The following CCDC80 variants were observed in gnomAD, a reference collection of about 807,000 sequenced individuals.
CCDC80 encodes coiled-coil domain-containing protein 80.
CCDC80 carries 49 observed loss-of-function variants against 78.7 expected under a neutral mutation model. The ratio of observed to expected loss-of-function variants is 0.62; its 90% CI spans 0.50 to 0.79. CCDC80 has a LOEUF of 0.79. CCDC80 is among the 30% of genes least tolerant of loss of function. The pLI is 0.00. For synonymous variants in CCDC80, 488 were observed against 447.0 expected (o/e 1.09, Z -1.16); for missense variants, 1,205 against 1,198.6 (o/e 1.01, Z -0.08).
At chr3:112,617,521 C>T (rs993082174) in intron 4 of CCDC80, among the ~76,000 whole-genome samples, 1 of 152,210 alleles carries the variant, frequency 6.6e-6, no homozygotes, top group Non-Finnish European at 1.5e-5. Flanking sequence ...AAGCTCTGCC[C>T]TCTGTGGGAA....
At chr3:112,609,565 A>G (rs1297882182) in intron 6 of CCDC80, among the ~76,000 whole-genome samples, 1 of 152,198 alleles carries the variant, frequency 6.6e-6, no homozygotes, top group African/African-American at 2.4e-5. Context: ...TATTATTCCC[A>G]GAGCCATTCC....
At position 112,630,298 on chromosome 3, in the gene CCDC80, T is replaced by C. The variant is rs755263432; in HGVS notation, c.1879-29A>G. The C allele has an allele frequency of 2.5e-6, 4 of 1,607,774 alleles. No homozygotes were observed. The Admixed American group carries it at 6.7e-5, about 27-fold the overall frequency. ...GAGGTGGGTGAAGACAAACAAATAC[T>C]CATTTATAGTGATAGTTTCACACTG... On this transcript the variant is annotated intron_variant, in intron 2 of 7. Transcript: ENST00000206423.
chr3:112,619,023 C>G lies in CCDC80; in HGVS notation c.2117G>C (p.Gly706Ala), dbSNP rs755706877. 3.1e-6 allele frequency: 5 copies of G among 1,612,992 alleles called. No homozygotes were observed. Among genetic ancestry groups the G allele is most frequent in the Non-Finnish European group, 2.5e-6 (3 of 1,179,746 alleles). ...CATGAAGAAGTCATTGTAGGTCATT[C>G]CGTACTCTTTCCTCAGCTCGCTGAT... ...RLISELRKEY[G>A]MTYNDFFMVL... Residue 706 changes from glycine to alanine, a missense_variant, in exon 4 of 8, where the codon GGA becomes GCA. Coordinates refer to ENST00000206423, the MANE Select transcript of CCDC80 (RefSeq NM_199511.3).
In CCDC80 at chr3:112,616,843, G is replaced by T; in HGVS notation, c.2188C>A (p.Pro730Thr). 1 of 1,613,730 alleles carries T rather than the reference G, an allele frequency of 6.2e-7. No homozygotes were observed. The highest frequency in any genetic ancestry group is 1.1e-5 in the South Asian group (1 of 91,068). Reference sequence around the variant, plus strand: ...TCAAACACAGACTTCATTGTTATTGGTACCTCATAGTATTGCTGTTTAAGA... The same window carrying T: ...TCAAACACAGACTTCATTGTTATTGTTACCTCATAGTATTGCTGTTTAAGA... Reference protein sequence around the residue: ...DLRVKQYYEVPITMKSVFDLI... With the variant: ...DLRVKQYYEVTITMKSVFDLI... Residue 730 changes from proline to threonine, a missense_variant, in exon 5 of 8, where the codon CCA becomes ACA. By Grantham distance (38) the Pro-to-Thr change is conservative. Coordinates refer to ENST00000206423, the MANE Select transcript of CCDC80 (RefSeq NM_199511.3).
At chr3:112,606,540 C>G (rs1935501664) in intron 7 of CCDC80, among the ~76,000 whole-genome samples, 1 of 152,226 alleles carries the variant, frequency 6.6e-6, no homozygotes, top group Admixed American at 6.5e-5. Context: ...ATTGTCCTAC[C>G]TCAGCCTCCC....
At chr3:112,640,195 T>C (rs377689412) in intron 1 of CCDC80, 132 bp downstream of exon 1, 1 of 409,776 alleles carries the variant, frequency 2.4e-6, no homozygotes. Flanking sequence ...CTGTTTCAAC[T>C]AATGCTCTGG....
rs755027620 is a variant in CCDC80 at position 112,598,914 on chromosome 3, A to G, written c.*6503T>C. The G allele has an allele frequency of 5.3e-5, 8 of 152,200 alleles. No homozygotes were observed. Among genetic ancestry groups the G allele is most frequent in the South Asian group, 2.1e-4 (1 of 4,838 alleles). The allele number at this position is 152,200 out of a possible 1,614,324, so 9.4% of individuals were successfully genotyped here. A position where few individuals can be genotyped will look rare whatever the true frequency, so the allele number is the denominator to read the frequency against. On this transcript the variant is annotated 3_prime_UTR_variant, in exon 8 of 8. Coordinates refer to ENST00000206423, the MANE Select transcript of CCDC80 (RefSeq NM_199511.3). ...AGGGCATTATGCAGGAAAGAATTCAATGGAGTTATTTAATACCTTTCCCTA... is the reference window on the plus strand; with the variant it reads ...AGGGCATTATGCAGGAAAGAATTCAGTGGAGTTATTTAATACCTTTCCCTA...
intron 3 of CCDC80, among the ~76,000 whole-genome samples, chr3:112,625,970 A>G (rs1287659321): frequency 6.6e-6 from 1 of 152,184 alleles, no homozygotes; most frequent in African/African-American, 2.4e-5. Flanking sequence ...AAATCAACCT[A>G]CTTTTCAAAA....
Position 112,638,558 on chromosome 3 carries a change from T to C in CCDC80, c.1348A>G (p.Ile450Val). 3 of 1,613,958 alleles carry C rather than the reference T, an allele frequency of 1.9e-6. No homozygotes were observed. The highest frequency in any genetic ancestry group is 2.5e-6 in the Non-Finnish European group (3 of 1,179,978). The change falls in exon 2 of 8, where the codon ATC becomes GTC. Residue 450 changes from isoleucine to valine, a missense_variant. Coordinates refer to ENST00000206423, the MANE Select transcript of CCDC80 (RefSeq NM_199511.3). ...ESFTNAPPTT[I>V]SEPSTRAAGP... ...GCAGCCCTTGTGCTGGGTTCTGAGA[T>C]GGTGGTGGGAGGGGCATTTGTGAAG...
Position 112,638,624 on chromosome 3 carries a change from G to T in CCDC80, c.1282C>A (p.Gln428Lys). ...SRKDQHRERP[Q>K]TTRRPSKATS... is the part of the protein sequence containing the mutation. The stretch of plus-strand genomic sequence containing the variant: ...GCCTTGCTGGGCCTCCTGGTTGTCT[G>T]TGGCCTCTCCCTGTGCTGATCCTTC... The change falls in exon 2 of 8, where the codon CAG becomes AAG. Residue 428 changes from glutamine to lysine, a missense_variant. Gln to Lys is a moderately conservative substitution (Grantham distance 53). Transcript: ENST00000206423. The T allele has an allele frequency of 6.2e-7, 1 of 1,614,076 alleles. No homozygotes were observed. The highest frequency in any genetic ancestry group is 1.3e-5 in the African/African-American group (1 of 74,998).
At position 112,640,424 on chromosome 3, in the gene CCDC80, C is replaced by T. The variant is rs1363056950; in HGVS notation, c.-109G>A. On this transcript the variant is annotated 5_prime_UTR_variant, in exon 1 of 8. Transcript: ENST00000206423. ...TAGATGAACTACTTTTCCTCCCAGC[C>T]CTCTCTCTCTTTACCGAGGGTGAGC... The T allele has an allele frequency of 2.5e-5, 4 of 158,426 alleles. No homozygotes were observed. The highest frequency in any genetic ancestry group is 6.0e-5 in the Admixed American group (1 of 16,604). The allele number at this position is 158,426 out of a possible 1,614,324, so 9.8% of individuals were successfully genotyped here.
At position 112,638,947 on chromosome 3, in the gene CCDC80, ACTTGTGCTCTC is replaced by A; in HGVS notation, c.948_958del (p.Arg316SerfsTer82). 6.2e-7 allele frequency: 1 copy of A among 1,612,826 alleles called. No homozygotes were observed. The highest frequency in any genetic ancestry group is 8.5e-7 in the Non-Finnish European group (1 of 1,179,932). On this transcript the variant is annotated frameshift_variant, in exon 2 of 8. Coordinates refer to ENST00000206423, the MANE Select transcript of CCDC80 (RefSeq NM_199511.3). LOFTEE classifies it high-confidence loss of function. ...CACCCGACTCTCTCTGGTTGGTGGG[ACTTGTGCTCTC>A]CTTGGGTCCTCTTTCTTCTTCTCGC...
chr3:112,618,909 C>T, intron 4 of CCDC80, 59 bp downstream of exon 4: 1 of 1,550,632 alleles, frequency 6.4e-7, no homozygotes, highest in Non-Finnish European at 8.8e-7. Flanking sequence ...TTTAACAAAA[C>T]AATTCAGATT....
Position 112,633,429 on chromosome 3 carries a change from C to T in CCDC80, c.1879-3160G>A, listed in dbSNP as rs1335098972. Among the ~76,000 whole-genome samples, 6 of 152,258 alleles carry T rather than the reference C, an allele frequency of 3.9e-5. No individual in the cohort carries two copies. The East Asian group carries it at 1.2e-3, about 29-fold the overall frequency. On this transcript the variant is annotated intron_variant, in intron 2 of 7. Transcript: ENST00000206423. ...TTACTGTTCTTTTTGTCTGCCTCGCCCACTTGGAATTTAAGCATTTCCTTC... is the reference window on the plus strand; with the variant it reads ...TTACTGTTCTTTTTGTCTGCCTCGCTCACTTGGAATTTAAGCATTTCCTTC...
At chr3:112,618,250 G>T (rs2107479914) in intron 4 of CCDC80, among the ~76,000 whole-genome samples, 1 of 152,340 alleles carries the variant, frequency 6.6e-6, no homozygotes, top group African/African-American at 2.4e-5. Flanking sequence ...GCAGGGCGTG[G>T]TGGCTCACGC....
In CCDC80 at chr3:112,602,538, T is replaced by C. The variant is rs1166328533; in HGVS notation, c.*2879A>G. ...TTGAAGGAAATTAAAAGTGCTACTT[T>C]GTGAATGCATGAATGATAAAAAAGT... On this transcript the variant is annotated 3_prime_UTR_variant, in exon 8 of 8. Coordinates refer to ENST00000206423, the MANE Select transcript of CCDC80 (RefSeq NM_199511.3). 1 of 152,228 alleles carries C rather than the reference T, an allele frequency of 6.6e-6. No individual in the cohort carries two copies. The highest frequency in any genetic ancestry group is 1.5e-5 in the Non-Finnish European group (1 of 68,036). 9.4% of individuals were successfully genotyped at this position (152,228 alleles called of 1,614,324 possible).
At chr3:112,632,298 C>G (rs1357609324) in intron 2 of CCDC80, among the ~76,000 whole-genome samples, 1 of 152,000 alleles carries the variant, frequency 6.6e-6, no homozygotes, top group Non-Finnish European at 1.5e-5. Context: ...TAAGTAAAAA[C>G]ACAAAACAGT....
At chr3:112,625,951 C>T (rs1389994623) in intron 3 of CCDC80, among the ~76,000 whole-genome samples, 1 of 152,108 alleles carries the variant, frequency 6.6e-6, no homozygotes, top group Non-Finnish European at 1.5e-5. Context: ...TTTTCAAGGT[C>T]CCTCCATTAA....
intron 3 of CCDC80, among the ~76,000 whole-genome samples, chr3:112,625,630 A>G (rs1208031850): frequency 3.3e-5 from 5 of 152,216 alleles, no homozygotes; most frequent in African/African-American, 1.2e-4. Context: ...TTAAGTGAAA[A>G]AAGCAAGGTG....
Sources: gnomAD v4.1 joint callset for allele counts (sites outside exome capture counted in the v4.1 genomes callset) on GRCh38, gnomAD v4.1.1 for gene constraint, MANE v1.5 for transcripts, NCBI Gene and HGNC (gene_info 2026-07-23, HGNC 2026-07-21) for gene names.